ZNF219: variants seen among roughly 807,000 people sequenced by gnomAD.
The protein encoded by ZNF219 is zinc finger protein 219.
In ZNF219, 17 loss-of-function variants were observed where a neutral mutation model predicts 54.4. The ratio of observed to expected loss-of-function variants is 0.31; its 90% confidence interval spans 0.21 to 0.47. The LOEUF (loss-of-function observed/expected upper bound fraction) is 0.47. Among genes scored for constraint, ZNF219 ranks in the 20% least tolerant of loss-of-function variants. ZNF219 has a pLI of 1.00. For synonymous variants in ZNF219, 518 were observed against 476.4 expected (o/e 1.09, Z -1.14); for missense variants, 1,014 against 1,062.3 (o/e 0.95, Z 0.63).
At chr14:21,103,764 A>G (rs914621607), upstream of ZNF219, 9 of 155,372 alleles carry the variant, frequency 5.8e-5, no homozygotes, top group African/African-American at 2.2e-4. Context: ...GAGGCGGGGA[A>G]GTCGGGGCCT....
chr14:21,092,128 C>T lies in ZNF219; in HGVS notation c.1169G>A (p.Arg390Gln). 2 of 1,504,984 alleles carry T rather than the reference C, an allele frequency of 1.3e-6. No individual in the cohort carries two copies. The highest frequency in any genetic ancestry group is 1.8e-6 in the Non-Finnish European group (2 of 1,130,344). The allele number at this position is 1,504,984 out of a possible 1,614,324, so 93.2% of individuals were successfully genotyped here. A position where few individuals can be genotyped will look rare whatever the true frequency, so the allele number is the denominator to read the frequency against. Residue 390 changes from arginine to glutamine, a missense_variant, in exon 3 of 5, where the codon CGG becomes CAG. By Grantham distance (43) the Arg-to-Gln change is conservative. Coordinates refer to ENST00000360947, the MANE Select transcript of ZNF219 (RefSeq NM_016423.3). ...GYLSLRAGEGRPNGEGAEPGP... is the reference protein window; with the variant it reads ...GYLSLRAGEGQPNGEGAEPGP... ...GGGCTCAGCACCCTCGCCGTTGGGC[C>T]GGCCCTCGCCAGCTCGCAGGCTCAG...
Position 21,091,418 on chromosome 14 carries a change from C to T in ZNF219, c.1557G>A (p.Val519=). Reference sequence around the variant, plus strand: ...GGAGGCTGCCTCCCTCACCTGTGTGCACTCGCAGATGCACTTTGAGGTGAT... The same window carrying T: ...GGAGGCTGCCTCCCTCACCTGTGTGTACTCGCAGATGCACTTTGAGGTGAT... ...SAHHLKVHLR[V]HTGERPYKCP... The change falls in exon 4 of 5, where the codon GTG becomes GTA. Residue 519 remains valine (V), a synonymous_variant. Coordinates refer to ENST00000360947, the MANE Select transcript of ZNF219 (RefSeq NM_016423.3). 6.3e-7 allele frequency: 1 copy of T among 1,596,128 alleles called. No individual in the cohort carries two copies. Among genetic ancestry groups the T allele is most frequent in the East Asian group, 2.3e-5 (1 of 44,248 alleles).
chr14:21,091,573 G>T, intron 3 of ZNF219, 31 bp from the exon 4 acceptor site: 1 of 1,580,260 alleles, frequency 6.3e-7, no homozygotes, highest in South Asian at 1.1e-5. Flanking sequence ...GGAAGTCAGG[G>T]GGGCCCACAC....
chr14:21,102,334 A>G, upstream of ZNF219: 1 of 1,517,270 alleles, frequency 6.6e-7, no homozygotes, highest in Non-Finnish European at 8.9e-7. Context: ...GTCTTCAGCT[A>G]GGCTGCAAGT....
rs2139333287 is a variant in ZNF219 at position 21,098,544 on chromosome 14, C to G, written c.-316G>C. Reference sequence around the variant, plus strand: ...CATTAGCATGCGGGGGGCGGCGCGGCGGGGCTGGGAGCCGCGCGGGAGCCG... The same window carrying G: ...CATTAGCATGCGGGGGGCGGCGCGGGGGGGCTGGGAGCCGCGCGGGAGCCG... On this transcript the variant is annotated 5_prime_UTR_variant, in exon 1 of 5. Coordinates refer to ENST00000360947, the MANE Select transcript of ZNF219 (RefSeq NM_016423.3). 1.0e-6 allele frequency: 1 copy of G among 986,704 alleles called. No individual in the cohort carries two copies. The highest frequency in any genetic ancestry group is 1.2e-6 in the Non-Finnish European group (1 of 831,060). 61.1% of individuals were successfully genotyped at this position (986,704 alleles called of 1,614,324 possible).
intron 1 of ZNF219, 36 bp from the exon 2 acceptor site, chr14:21,093,710 C>T: frequency 3.1e-6 from 5 of 1,592,822 alleles, no homozygotes; most frequent in Non-Finnish European, 4.3e-6. Context: ...AAAAGATGAG[C>T]CCTAGTTTTC....
chr14:21,101,097 T>C, upstream of ZNF219: 1 of 358,378 alleles, frequency 2.8e-6, no homozygotes, highest in Non-Finnish European at 5.3e-6. Context: ...CCAGGACAAG[T>C]TTGTCGTCTG....
At chr14:21,096,617 G>A (rs1458487507) in intron 1 of ZNF219, among the ~76,000 whole-genome samples, 1 of 152,196 alleles carries the variant, frequency 6.6e-6, no homozygotes, top group African/African-American at 2.4e-5. Context: ...CACCCCCACT[G>A]GGAATCAGGG....
Position 21,098,384 on chromosome 14 carries a change from GGCGTCA to G in ZNF219, c.-162_-157del. On this transcript the variant is annotated 5_prime_UTR_variant, in exon 1 of 5. Coordinates refer to ENST00000360947, the MANE Select transcript of ZNF219 (RefSeq NM_016423.3). ...CGGCGGGCGGCGGGCCGGCGGCGCG[GGCGTCA>G]GCGTTACGTGGGGCCGGGGGAGATG... 4.0e-6 allele frequency: 2 copies of G among 500,800 alleles called. No homozygotes were observed. Among genetic ancestry groups the G allele is most frequent in the Non-Finnish European group, 5.1e-6 (2 of 391,468 alleles). 31.0% of individuals were successfully genotyped at this position (500,800 alleles called of 1,614,324 possible). A position where few individuals can be genotyped will look rare whatever the true frequency, so the allele number is the denominator to read the frequency against.
chr14:21,095,426 C>T (rs1889233465), intron 1 of ZNF219, among the ~76,000 whole-genome samples: 1 of 152,208 alleles, frequency 6.6e-6, no homozygotes, highest in Admixed American at 6.5e-5. Flanking sequence ...CTAGTCTGAA[C>T]ATTGATAACC....
Position 21,098,517 on chromosome 14 carries a change from G to A in ZNF219, c.-289C>T. On this transcript the variant is annotated 5_prime_UTR_variant, in exon 1 of 5. Coordinates refer to ENST00000360947, the MANE Select transcript of ZNF219 (RefSeq NM_016423.3). ...ATTGTGTGCGGCGGGAGGCGGCCCG[G>A]CCATTAGCATGCGGGGGGCGGCGCG... 1 of 985,380 alleles carries A rather than the reference G, an allele frequency of 1.0e-6. No individual in the cohort carries two copies. The highest frequency in any genetic ancestry group is 1.8e-5 in the African/African-American group (1 of 57,078). The allele number at this position is 985,380 out of a possible 1,614,324, so 61.0% of individuals were successfully genotyped here.
chr14:21,103,520 G>T, upstream of ZNF219: 1 of 470,268 alleles, frequency 2.1e-6, no homozygotes, highest in South Asian at 2.5e-5. Flanking sequence ...TTGCCTCATC[G>T]CACTTTTCTT....
At chr14:21,098,976 C>T (rs911651877), upstream of ZNF219, 10 of 597,356 alleles carry the variant, frequency 1.7e-5, no homozygotes, top group Admixed American at 8.5e-5. Context: ...GTATAAGAAA[C>T]ATTATTAAAG....
chr14:21,104,555 A>G, exon 1 of ZNF219: 1 of 152,336 alleles, frequency 6.6e-6, no homozygotes, highest in Non-Finnish European at 1.5e-5. Flanking sequence ...CCTCACACTC[A>G]TTTTTGTTCC....
upstream of ZNF219, chr14:21,102,950 G>C (rs1889740567): frequency 3.7e-6 from 5 of 1,345,970 alleles, no homozygotes; most frequent in East Asian, 1.3e-4. Context: ...CCCTAATGGT[G>C]GGTAAGAGGA....
At chr14:21,096,750 G>A (rs1889295244) in intron 1 of ZNF219, among the ~76,000 whole-genome samples, 1 of 152,160 alleles carries the variant, frequency 6.6e-6, no homozygotes, top group Non-Finnish European at 1.5e-5. Flanking sequence ...AAGTGGGTGT[G>A]GACCACTAAA....
At chr14:21,100,600 C>T (rs140597115), upstream of ZNF219, among the ~76,000 whole-genome samples, 145 of 152,268 alleles carry the variant, frequency 9.5e-4, no homozygotes, top group African/African-American at 3.3e-3. Flanking sequence ...ACAATCCCCA[C>T]CATAAACAGG....
upstream of ZNF219, chr14:21,102,474 A>G (rs1209993854): frequency 6.4e-7 from 1 of 1,551,650 alleles, no homozygotes. Flanking sequence ...GGTCGAGGTG[A>G]TGAAGACAGC....
In ZNF219 at chr14:21,092,069, G is replaced by A. The variant is rs1325830903; in HGVS notation, c.1228C>T (p.Leu410=). 6.5e-7 allele frequency: 1 copy of A among 1,537,596 alleles called. No homozygotes were observed. Among genetic ancestry groups the A allele is most frequent in the South Asian group, 1.2e-5 (1 of 83,054 alleles). Residue 410 remains leucine (L), a synonymous_variant, in exon 3 of 5, where the codon CTG becomes TTG. Coordinates refer to ENST00000360947, the MANE Select transcript of ZNF219 (RefSeq NM_016423.3). ...GCCCGGGCCGGGAGAGCAGAGGACA[G>A]CGGGCGGAAGCCTCCGAAGCTGCGG... ...PGRSFGGFRP[L]SSALPARARR... is the part of the protein sequence containing the mutation.
Sources: gnomAD v4.1 joint callset for allele counts (sites outside exome capture counted in the v4.1 genomes callset) on GRCh38, gnomAD v4.1.1 for gene constraint, MANE v1.5 for transcripts, NCBI Gene and HGNC (gene_info 2026-07-23, HGNC 2026-07-21) for gene names.